Variants in RBM4 observed in about 807,000 individuals in gnomAD.
RBM4 encodes RNA-binding protein 4.
Under a neutral mutation model 29.5 loss-of-function variants are expected in RBM4, and 7 were observed. The observed-to-expected ratio is 0.24, with a 90% CI of 0.14 to 0.45. The LOEUF (loss-of-function observed/expected upper bound fraction) is 0.45. RBM4 is among the 20% of genes least tolerant of loss of function. The pLI is 1.00. For synonymous variants in RBM4, 220 were observed against 205.4 expected (o/e 1.07, Z -0.61); for missense variants, 387 against 502.3 (o/e 0.77, Z 2.19).
rs1367445769 is a variant in RBM4, at chr11:66,643,692, G to A, written c.655G>A (p.Asp219Asn). 11 of 1,614,146 alleles carry A rather than the reference G, an allele frequency of 6.8e-6. No individual in the cohort carries two copies. Among genetic ancestry groups the A allele is most frequent in the Middle Eastern group, 1.6e-4 (1 of 6,062 alleles). ...LYYNNAYGAL[D>N]AYYKRCRAAR... ...TTACAACAACGCGTACGGAGCGCTC[G>A]ATGCCTACTACAAGCGCTGCCGTGC... is the stretch of plus-strand genomic sequence containing the variant. The change falls in exon 3 of 4, where the codon GAT becomes AAT. Residue 219 changes from aspartate to asparagine, a missense_variant. Physicochemically the swap from Asp to Asn is conservative, Grantham distance 23. Transcript: ENST00000310092. This position sits in a 1 kb window ranked among gnomAD's most constrained non-coding sequence, Gnocchi z 6.1.
At chr11:66,645,291 A>G (rs981515079) in intron 3 of RBM4, among the ~76,000 whole-genome samples, 4 of 152,302 alleles carry the variant, frequency 2.6e-5, no homozygotes, top group East Asian at 1.9e-4. Flanking sequence ...GTAAATCTCA[A>G]TGCCCTTAGT....
chr11:66,639,926 A>T lies in RBM4; in HGVS notation c.215A>T (p.Asn72Ile). 1 of 1,614,262 alleles carries T rather than the reference A, an allele frequency of 6.2e-7. No homozygotes were observed. The highest frequency in any genetic ancestry group is 8.5e-7 in the Non-Finnish European group (1 of 1,180,048). ...AACATCAACGTGGAAGCCAGCAAGA[A>T]TAAGAGCAAAACCTCAACAAAGTTG... is the stretch of plus-strand genomic sequence containing the variant. ...GVNINVEASK[N>I]KSKTSTKLHV... Residue 72 changes from asparagine (N) to isoleucine (I), a missense_variant, in exon 2 of 4, where the codon AAT becomes ATT. Coordinates refer to ENST00000310092, the MANE Select transcript of RBM4 (RefSeq NM_002896.4).
rs1205150687 is a variant in RBM4 at position 66,667,633 on chromosome 11, C to G, written c.*1668C>G. The G allele has an allele frequency of 2.6e-5, 4 of 151,960 alleles. No individual in the cohort carries two copies. The East Asian group carries it at 7.7e-4, about 29-fold the overall frequency. 9.4% of individuals were successfully genotyped at this position (151,960 alleles called of 1,614,324 possible). A position where few individuals can be genotyped will look rare whatever the true frequency, so the allele number is the denominator to read the frequency against. On this transcript the variant is annotated 3_prime_UTR_variant, in exon 3 of 3. Transcript: ENST00000396053. ...AAACATTTAAAATTTATAGGACTTCCTCTGGCATGTAGGTATGATATTAGA... is the reference window on the plus strand; with the variant it reads ...AAACATTTAAAATTTATAGGACTTCGTCTGGCATGTAGGTATGATATTAGA...
chr11:66,651,682 G>A (rs1286254596), intron 2 of RBM4, among the ~76,000 whole-genome samples: 2 of 152,138 alleles, frequency 1.3e-5, no homozygotes, highest in South Asian at 2.1e-4. Context: ...TTGAGGTGCT[G>A]TAACAAAAGA....
chr11:66,659,747 T>A (rs1939039151), intron 2 of RBM4, among the ~76,000 whole-genome samples: 1 of 152,166 alleles, frequency 6.6e-6, no homozygotes, highest in Non-Finnish European at 1.5e-5. Flanking sequence ...TTGATCATGT[T>A]TATATCACAT....
chr11:66,643,100 A>G lies in RBM4; in HGVS notation c.413-350A>G, dbSNP rs954468958. Among the ~76,000 whole-genome samples, 5 of 152,216 alleles carry G rather than the reference A, an allele frequency of 3.3e-5. No homozygotes were observed. The highest frequency in any genetic ancestry group is 1.3e-4 in the Admixed American group (2 of 15,280). On this transcript the variant is annotated intron_variant, in intron 2 of 3. Coordinates refer to ENST00000310092, the MANE Select transcript of RBM4 (RefSeq NM_002896.4). The surrounding 1 kb of genome is among the most constrained non-coding windows in gnomAD (Gnocchi z 6.1). ...TAGTAAGGATTGGAGGTGTCAGAAA[A>G]GACTTGGGCACTGTTTCTTACTTTG...
intron 2 of RBM4, chr11:66,665,375 G>C (rs1939187941): frequency 1.6e-6 from 1 of 607,132 alleles, no homozygotes; most frequent in African/African-American, 1.9e-5. Context: ...AGAATATAAG[G>C]AACAGAGTGA....
At chr11:66,659,819 C>G (rs1939039920) in intron 2 of RBM4, among the ~76,000 whole-genome samples, 1 of 152,204 alleles carries the variant, frequency 6.6e-6, no homozygotes, top group South Asian at 2.1e-4. Context: ...TCCTCTCCCA[C>G]CAAGATGACT....
At chr11:66,651,293 TC>T (rs1034065579), downstream of RBM4, among the ~76,000 whole-genome samples, 1 of 152,036 alleles carries the variant, frequency 6.6e-6, no homozygotes, top group Non-Finnish European at 1.5e-5. Context: ...GTCCCAGGAC[TC>T]CCTTTCTGCA....
downstream of RBM4, among the ~76,000 whole-genome samples, chr11:66,647,607 T>C (rs1034010887): frequency 1.3e-5 from 2 of 152,214 alleles, no homozygotes; most frequent in Non-Finnish European, 2.9e-5. Context: ...GACCCACCAC[T>C]GAACGCCATT....
chr11:66,646,494 T>C (rs1234860440), downstream of RBM4: 6 of 991,056 alleles, frequency 6.1e-6, no homozygotes, highest in Admixed American at 1.8e-4. Flanking sequence ...GCGAGACTTC[T>C]TGCTTGGGCT....
intron 2 of RBM4, chr11:66,640,843 G>A (rs1938423537): frequency 6.6e-6 from 1 of 152,164 alleles, no homozygotes; most frequent in Non-Finnish European, 1.5e-5. Context: ...TTTGTGCCTG[G>A]AGGGCAGCAT....
At position 66,644,107 on chromosome 11, in the gene RBM4, A is replaced by G; in HGVS notation, c.1070A>G (p.Asp357Gly). The change falls in exon 3 of 4, where the codon GAT (aspartate) becomes GGT (glycine). Residue 357 changes from aspartate (D) to glycine (G), a missense_variant. Asp to Gly is a moderately conservative substitution (Grantham distance 94). This residue lies in a region of RBM4 where 281 missense variants were observed against 288.7 expected (regional missense o/e 0.97). Coordinates refer to ENST00000310092, the MANE Select transcript of RBM4 (RefSeq NM_002896.4). Reference protein sequence around the residue: ...MARYEREQYADRARYSAF With the variant: ...MARYEREQYAGRARYSAF ...CGGTATGAGCGGGAGCAGTATGCCG[A>G]TCGGGCGCGGTACTCAGCCTTTTAA... The G allele has an allele frequency of 6.2e-7, 1 of 1,613,614 alleles. No homozygotes were observed. Among genetic ancestry groups the G allele is most frequent in the Non-Finnish European group, 8.5e-7 (1 of 1,179,898 alleles).
intron 2 of RBM4, among the ~76,000 whole-genome samples, chr11:66,654,336 A>G (rs942532619): frequency 4.1e-5 from 6 of 146,010 alleles, no homozygotes; most frequent in African/African-American, 1.3e-4. Flanking sequence ...CTAAAAATAC[A>G]AAAAAAAAAA....
At chr11:66,655,291 TTTC>T (rs1489905351) in intron 2 of RBM4, among the ~76,000 whole-genome samples, 6 of 151,214 alleles carry the variant, frequency 4.0e-5, no homozygotes, top group African/African-American at 1.2e-4. Context: ...CGGCACTTCT[TTTC>T]TTTTTTTTTT....
chr11:66,665,643 A>G, intron 2 of RBM4: 1 of 1,535,134 alleles, frequency 6.5e-7, no homozygotes, highest in Non-Finnish European at 8.7e-7. Context: ...TCCGCGTACA[A>G]GCGCCCTGGG....
downstream of RBM4, among the ~76,000 whole-genome samples, chr11:66,651,349 CTT>C (rs750581946): frequency 1.7e-4 from 24 of 140,150 alleles, no homozygotes; most frequent in Admixed American, 4.3e-4. Flanking sequence ...AGAGAAAGTA[CTT>C]TTTTTTTTTT....
chr11:66,665,869 T>C, exon 3 of RBM4: 1 of 1,533,276 alleles, frequency 6.5e-7, no homozygotes, highest in Non-Finnish European at 8.7e-7. Context: ...AGATAACCCC[T>C]GTGACAGAAG....
chr11:66,665,785 A>T, intron 2 of RBM4: 1 of 1,382,580 alleles, frequency 7.2e-7, no homozygotes, highest in Non-Finnish European at 9.8e-7. Context: ...ATGGCTATAT[A>T]TATAGGACAA....
Sources: gnomAD v4.1 joint callset for allele counts (sites outside exome capture counted in the v4.1 genomes callset) on GRCh38, gnomAD v4.1.1 for gene constraint, gnomAD v4.1.1 regional missense constraint, Gnocchi (gnomAD v3.1) non-coding constraint, MANE v1.5 for transcripts, NCBI Gene and HGNC (gene_info 2026-07-23, HGNC 2026-07-21) for gene names.